MTF1: variants seen among roughly 807,000 people sequenced by gnomAD.
MTF1 encodes metal regulatory transcription factor 1, also known as MRE-binding transcription factor.
Under a neutral mutation model 70.4 loss-of-function variants are expected in MTF1, and 22 were observed. The observed-to-expected ratio is 0.31, with a 90% CI of 0.22 to 0.45. The LOEUF (loss-of-function observed/expected upper bound fraction) is 0.45. MTF1 is among the 20% of genes least tolerant of loss of function. MTF1 has a pLI of 1.00. For synonymous variants in MTF1, 333 were observed against 352.8 expected (o/e 0.94, Z 0.63); for missense variants, 649 against 922.0 (o/e 0.70, Z 3.83).
intron 2 of MTF1, among the ~76,000 whole-genome samples, chr1:37,847,513 T>C (rs1212609675): frequency 6.6e-6 from 1 of 152,204 alleles, no homozygotes; most frequent in Admixed American, 6.5e-5. Flanking sequence ...ATTGCCAGCA[T>C]AATAGAAGTC....
chr1:37,833,185 T>C (rs1435965834), intron 6 of MTF1, among the ~76,000 whole-genome samples: 1 of 152,198 alleles, frequency 6.6e-6, no homozygotes, highest in African/African-American at 2.4e-5. Context: ...AGTATTACTC[T>C]ATATCCCCAT....
chr1:37,842,391 C>T (rs1269894451), intron 2 of MTF1, among the ~76,000 whole-genome samples: 1 of 152,218 alleles, frequency 6.6e-6, no homozygotes, highest in Admixed American at 6.5e-5. Flanking sequence ...AACCAGTTGG[C>T]AAGATGGCTT....
rs1641149993 is a variant in MTF1 at position 37,835,311 on chromosome 1, AAG to A, written c.854-98_854-97del. The A allele has an allele frequency of 2.7e-6, 3 of 1,091,298 alleles. No individual in the cohort carries two copies. The Admixed American group carries it at 6.2e-5, about 23-fold the overall frequency. 67.6% of individuals were successfully genotyped at this position (1,091,298 alleles called of 1,614,324 possible). ...CTAATAGAGGTAAGTAAGTATTTTT[AAG>A]AGAGTTTGGGTAACAGTTGTTAAAA... On this transcript the variant is annotated intron_variant, in intron 5 of 10. Coordinates refer to ENST00000373036, the MANE Select transcript of MTF1 (RefSeq NM_005955.3).
intron 4 of MTF1, among the ~76,000 whole-genome samples, chr1:37,836,781 T>C (rs886615717): frequency 4.6e-5 from 7 of 152,250 alleles, no homozygotes; most frequent in African/African-American, 1.2e-4. Flanking sequence ...TTTCTTTAAA[T>C]AGAAAGCTTC....
chr1:37,838,186 T>G (rs1191739970), intron 4 of MTF1, among the ~76,000 whole-genome samples: 1 of 152,178 alleles, frequency 6.6e-6, no homozygotes, highest in Admixed American at 6.5e-5. Context: ...CCTCATTCCC[T>G]CCCTCCTTGA....
At chr1:37,855,917 C>T (rs892344925) in intron 2 of MTF1, among the ~76,000 whole-genome samples, 6 of 151,932 alleles carry the variant, frequency 3.9e-5, no homozygotes, top group Admixed American at 2.0e-4. Flanking sequence ...AAGATCGCAC[C>T]ACTGCACTCC....
At position 37,810,304 on chromosome 1, in the gene MTF1, G is replaced by A. The variant is rs1640695418; in HGVS notation, c.*4832C>T. ...GTAGAAACTGCATTGAGCTGAGAAAGTGACACTACATTATCACCCAATTTT... is the reference window on the plus strand; with the variant it reads ...GTAGAAACTGCATTGAGCTGAGAAAATGACACTACATTATCACCCAATTTT... On this transcript the variant is annotated 3_prime_UTR_variant, in exon 11 of 11. Transcript: ENST00000373036. The A allele has an allele frequency of 1.3e-5, 2 of 152,526 alleles. 1 individual carries two copies. Among genetic ancestry groups the A allele is most frequent in the South Asian group, 4.1e-4 (2 of 4,832 alleles). 9.4% of individuals were successfully genotyped at this position (152,526 alleles called of 1,614,324 possible).
chr1:37,846,511 C>T (rs1641334441), intron 2 of MTF1, among the ~76,000 whole-genome samples: 1 of 151,924 alleles, frequency 6.6e-6, no homozygotes, highest in Non-Finnish European at 1.5e-5. Context: ...ATGGAGGGAG[C>T]ACAGGTTAGG....
intron 6 of MTF1, 21 bp downstream of exon 6, chr1:37,835,058 A>G: frequency 6.2e-7 from 1 of 1,611,666 alleles, no homozygotes; most frequent in South Asian, 1.1e-5. Context: ...ACCCAGATCA[A>G]GAGACAAAAA....
At chr1:37,858,018 A>AT (rs367904389) in intron 1 of MTF1, among the ~76,000 whole-genome samples, 1 of 151,124 alleles carries the variant, frequency 6.6e-6, no homozygotes, top group African/African-American at 2.4e-5. Flanking sequence ...TCTCTAATAA[A>AT]AAAAAAAAAA....
chr1:37,837,802 G>A (rs762982501), intron 4 of MTF1, among the ~76,000 whole-genome samples: 10 of 152,120 alleles, frequency 6.6e-5, no homozygotes, highest in East Asian at 1.9e-4. Context: ...CGCCATGCCC[G>A]GCCTCAAAGA....
intron 6 of MTF1, among the ~76,000 whole-genome samples, chr1:37,834,355 G>C (rs923316912): frequency 3.1e-4 from 47 of 150,722 alleles, no homozygotes; most frequent in Middle Eastern, 3.4e-3. Context: ...GAGGCCAGGT[G>C]GGGTGGCTCA....
Position 37,833,733 on chromosome 1 carries a change from T to C in MTF1, c.990+1346A>G, listed in dbSNP as rs1292328423. On this transcript the variant is annotated intron_variant, in intron 6 of 10. Transcript: ENST00000373036. ...TAGGGAACTCTGGGATAGGAGTTGC[T>C]CTTTTATTGGGTGGTTAGGGAAGCC... Among the ~76,000 whole-genome samples, 8 of 152,174 alleles carry C rather than the reference T, an allele frequency of 5.3e-5. No homozygotes were observed. The South Asian group carries it at 1.7e-3, about 32-fold the overall frequency.
intron 2 of MTF1, 81 bp downstream of exon 2, chr1:37,857,170 C>T: frequency 7.0e-7 from 1 of 1,423,114 alleles, no homozygotes; most frequent in African/African-American, 1.4e-5. Flanking sequence ...CTCCTTTACT[C>T]CCCAGCTAAA....
intron 7 of MTF1, among the ~76,000 whole-genome samples, chr1:37,829,686 G>C (rs1641057832): frequency 6.6e-6 from 1 of 151,974 alleles, no homozygotes; most frequent in Non-Finnish European, 1.5e-5. Context: ...TGGGGAGGCT[G>C]AGGCAGGAGA....
chr1:37,831,928 A>G (rs1641092959), intron 7 of MTF1, among the ~76,000 whole-genome samples: 1 of 152,236 alleles, frequency 6.6e-6, no homozygotes, highest in Admixed American at 6.5e-5. Context: ...GACAAACTAT[A>G]CCAACATTTT....
At chr1:37,826,491 G>C in intron 7 of MTF1, 1 of 432,884 alleles carries the variant, frequency 2.3e-6, no homozygotes, top group Non-Finnish European at 4.5e-6. Context: ...CTGCTACGTT[G>C]CCTAGCCTGG....
chr1:37,838,797 C>CTTTATTTTTTTTTTTTTTTTTT (rs1641209755), intron 3 of MTF1, 41 bp from the exon 4 acceptor site: 1 of 421,154 alleles, frequency 2.4e-6, no homozygotes, highest in Non-Finnish European at 3.2e-6. Context: ...TCATAAAATT[C>CTTTATTTTTTTTTTTTTTTTTT]TTTTTTTTTT....
chr1:37,843,348 A>C (rs568542948), intron 2 of MTF1, among the ~76,000 whole-genome samples: 1 of 152,238 alleles, frequency 6.6e-6, no homozygotes, highest in South Asian at 2.1e-4. Context: ...ATTTGGAGGC[A>C]GAAAAGTCCT....
Sources: gnomAD v4.1 joint callset for allele counts (sites outside exome capture counted in the v4.1 genomes callset) on GRCh38, gnomAD v4.1.1 for gene constraint, MANE v1.5 for transcripts, NCBI Gene and HGNC (gene_info 2026-07-23, HGNC 2026-07-21) for gene names.